Variants in COMMD10 observed in about 807,000 individuals in gnomAD.
COMMD10 encodes the protein COMM domain-containing protein 10.
Under a neutral mutation model 28.9 loss-of-function variants are expected in COMMD10, and 33 were observed. The observed-to-expected ratio is 1.14, with a 90% CI of 0.87 to 1.53. The LOEUF is 1.53. COMMD10 is among the 40% of genes most tolerant of loss of function. The pLI, the probability that COMMD10 is intolerant of heterozygous loss-of-function variation, is 0.00. For missense variants in COMMD10, 310 were observed against 233.4 expected (o/e 1.33, Z -2.14); for synonymous variants, 110 against 81.7 (o/e 1.35, Z -1.87).
intron 5 of COMMD10, among the ~76,000 whole-genome samples, chr5:116,199,665 C>A (rs1748613266): frequency 6.6e-6 from 1 of 152,000 alleles, no homozygotes; most frequent in South Asian, 2.1e-4. Context: ...TCTCCTTTAA[C>A]ATCTTTTAAA....
At position 116,085,151 on chromosome 5, in the gene COMMD10, C is replaced by T. The variant is rs549127876; in HGVS notation, c.41+58C>T. On this transcript the variant is annotated intron_variant, in intron 1 of 6. Transcript: ENST00000274458. Reference sequence around the variant, plus strand: ...CGCCCAGGAAGGCCCAGATCGGGCTCGCACAAGGCTGTCCTTGCTGCCTGC... The same window carrying T: ...CGCCCAGGAAGGCCCAGATCGGGCTTGCACAAGGCTGTCCTTGCTGCCTGC... 5.4e-5 allele frequency: 84 copies of T among 1,555,984 alleles called. No individual in the cohort carries two copies. The African/African-American group carries it at 9.4e-4, about 17-fold the overall frequency.
At chr5:116,251,285 T>A (rs184790030) in intron 5 of COMMD10, among the ~76,000 whole-genome samples, 70 of 148,230 alleles carry the variant, frequency 4.7e-4, no homozygotes, top group African/African-American at 1.7e-3. Flanking sequence ...TTTATTTATT[T>A]ATTTATTTAT....
chr5:116,241,494 G>A (rs192569061), intron 5 of COMMD10, among the ~76,000 whole-genome samples: 367 of 152,146 alleles, frequency 2.4e-3, no homozygotes, highest in African/African-American at 8.1e-3. Flanking sequence ...CAGACTGTAC[G>A]TAAGAATACT....
chr5:116,204,357 A>G (rs1460815556), intron 5 of COMMD10, among the ~76,000 whole-genome samples: 1 of 152,222 alleles, frequency 6.6e-6, no homozygotes, highest in East Asian at 1.9e-4. Flanking sequence ...TGAATGGTTC[A>G]TATAGGGAAA....
At chr5:116,171,518 C>G (rs998030718) in intron 5 of COMMD10, among the ~76,000 whole-genome samples, 4 of 152,224 alleles carry the variant, frequency 2.6e-5, no homozygotes, top group Admixed American at 6.5e-5. Context: ...ACTATAAAGA[C>G]ACATGCACGT....
chr5:116,236,039 G>A (rs955460365), intron 5 of COMMD10, among the ~76,000 whole-genome samples: 3 of 151,976 alleles, frequency 2.0e-5, no homozygotes, highest in African/African-American at 4.8e-5. Context: ...ATGTTACTTA[G>A]AAATAAGAAC....
At chr5:116,217,130 A>T (rs1050029663) in intron 5 of COMMD10, among the ~76,000 whole-genome samples, 2 of 151,922 alleles carry the variant, frequency 1.3e-5, no homozygotes, top group Admixed American at 1.3e-4. Flanking sequence ...GATTTGGAAA[A>T]TACAAACAAG....
At chr5:116,248,840 C>G (rs1180372058) in intron 5 of COMMD10, among the ~76,000 whole-genome samples, 3 of 151,738 alleles carry the variant, frequency 2.0e-5, no homozygotes, top group Admixed American at 1.3e-4. Flanking sequence ...AAATGGAAGA[C>G]CAGAGACAGA....
intron 5 of COMMD10, among the ~76,000 whole-genome samples, chr5:116,199,153 T>C (rs58594358): frequency 0.053 from 8,115 of 152,240 alleles, 310 homozygotes; most frequent in African/African-American, 0.11. Flanking sequence ...TTGGCCATTT[T>C]AGTAAGTGTG....
At chr5:116,262,120 G>A (rs1254095651) in intron 5 of COMMD10, among the ~76,000 whole-genome samples, 1 of 151,574 alleles carries the variant, frequency 6.6e-6, no homozygotes, top group African/African-American at 2.4e-5. Context: ...CAGGCAGTCT[G>A]ACTAAAGAGC....
Position 116,122,709 on chromosome 5 carries a change from C to T in COMMD10, c.400-11359C>T, listed in dbSNP as rs1212680270. ...AGAGGTCCTTCACATCCCTTGTAAG[C>T]TGGATTCCTAGGTATTTTATTCTCT... On this transcript the variant is annotated intron_variant, in intron 4 of 6. Coordinates refer to ENST00000274458, the MANE Select transcript of COMMD10 (RefSeq NM_016144.4). Among the ~76,000 whole-genome samples, 6 of 152,142 alleles carry T rather than the reference C, an allele frequency of 3.9e-5. No individual in the cohort carries two copies. The South Asian group carries it at 8.3e-4, about 21-fold the overall frequency.
chr5:116,269,442 T>C (rs1267758619), intron 5 of COMMD10, among the ~76,000 whole-genome samples: 1 of 151,806 alleles, frequency 6.6e-6, no homozygotes, highest in Non-Finnish European at 1.5e-5. Flanking sequence ...CATTTTACTT[T>C]ATAGGTTATA....
intron 5 of COMMD10, among the ~76,000 whole-genome samples, chr5:116,148,893 C>T (rs1420208739): frequency 1.3e-5 from 2 of 151,664 alleles, no homozygotes; most frequent in South Asian, 4.2e-4. Context: ...GGTACATGTG[C>T]ACAATGCGCA....
At chr5:116,267,778 C>T (rs1294661387) in intron 5 of COMMD10, among the ~76,000 whole-genome samples, 1 of 151,700 alleles carries the variant, frequency 6.6e-6, no homozygotes, top group Admixed American at 6.6e-5. Flanking sequence ...AGAACAGAGT[C>T]CTCAGACATA....
chr5:116,189,734 GTTTA>G (rs971854017), intron 5 of COMMD10, among the ~76,000 whole-genome samples: 1 of 146,396 alleles, frequency 6.8e-6, no homozygotes, highest in Non-Finnish European at 1.5e-5. Flanking sequence ...GAGGAAATAA[GTTTA>G]TTTAAGTCAT....
chr5:116,086,255 C>G (rs1375608708), intron 1 of COMMD10, among the ~76,000 whole-genome samples: 1 of 152,236 alleles, frequency 6.6e-6, no homozygotes, highest in African/African-American at 2.4e-5. Flanking sequence ...ACCCTATTTT[C>G]CTGCCTCACT....
rs542380376 is a variant in COMMD10, at chr5:116,251,003, C to T, written c.511-40514C>T. ...GGGGGTGCAGTTTTCCTACCAGTTC[C>T]TGCCTTAAGTGAAATTCCTGCCTAA... On this transcript the variant is annotated intron_variant, in intron 5 of 6. Coordinates refer to ENST00000274458, the MANE Select transcript of COMMD10 (RefSeq NM_016144.4). Among the ~76,000 whole-genome samples the T allele has an allele frequency of 9.2e-5, 14 of 152,032 alleles. No homozygotes were observed. The South Asian group carries it at 2.3e-3, about 25-fold the overall frequency.
At chr5:116,125,697 T>C (rs762030635) in intron 4 of COMMD10, among the ~76,000 whole-genome samples, 95 of 152,290 alleles carry the variant, frequency 6.2e-4, no homozygotes, top group Non-Finnish European at 1.2e-3. Context: ...CAATCAGATA[T>C]AGATTTGGTC....
intron 3 of COMMD10, among the ~76,000 whole-genome samples, chr5:116,092,164 A>C (rs1358046288): frequency 6.6e-6 from 1 of 152,190 alleles, no homozygotes; most frequent in Admixed American, 6.5e-5. Context: ...TCTGGGAAAA[A>C]ATTTGTTAGT....
Sources: allele counts gnomAD v4.1 joint callset (sites outside exome capture counted in the v4.1 genomes callset), GRCh38; gene constraint gnomAD v4.1.1; transcripts MANE v1.5; gene names NCBI Gene and HGNC (gene_info 2026-07-23, HGNC 2026-07-21).